The following ZNF385D variants were observed in gnomAD, a reference collection of about 807,000 sequenced individuals.
The protein encoded by ZNF385D is zinc finger protein 659.
A neutral mutation model predicts 35.8 loss-of-function variants in ZNF385D; 15 were observed. The ratio of observed to expected loss-of-function variants is 0.42; its 90% CI spans 0.28 to 0.64. The LOEUF (loss-of-function observed/expected upper bound fraction) is 0.64, where lower values mean the gene tolerates loss of function less well. ZNF385D is among the 30% of genes least tolerant of loss of function. The probability of loss-of-function intolerance (pLI) is 0.23; values close to 1 mark genes in which losing one functional copy is unlikely to be tolerated. For missense variants in ZNF385D, 474 were observed against 494.6 expected (o/e 0.96, Z 0.39); for synonymous variants, 212 against 186.8 (o/e 1.13, Z -1.10).
intron 3 of ZNF385D, among the ~76,000 whole-genome samples, chr3:21,757,352 A>G (rs2070391693): frequency 6.6e-6 from 1 of 152,088 alleles, no homozygotes; most frequent in African/African-American, 2.4e-5. Context: ...CATGTTGGCC[A>G]GGCTGGTCTT....
intron 2 of ZNF385D, among the ~76,000 whole-genome samples, chr3:21,586,885 C>T (rs986922457): frequency 2.0e-5 from 3 of 152,064 alleles, no homozygotes; most frequent in African/African-American, 7.2e-5. Flanking sequence ...AAGTTAAGTA[C>T]TTGGGAACAG....
intron 3 of ZNF385D, among the ~76,000 whole-genome samples, chr3:21,843,937 C>T (rs1695839021): frequency 1.3e-5 from 2 of 151,802 alleles, no homozygotes; most frequent in South Asian, 4.1e-4. Flanking sequence ...ATAGAATGTG[C>T]ACAAAAGGAA....
At chr3:21,898,393 A>C (rs1699242771) in intron 3 of ZNF385D, among the ~76,000 whole-genome samples, 1 of 152,118 alleles carries the variant, frequency 6.6e-6, no homozygotes, top group African/African-American at 2.4e-5. Context: ...TTTCATTTTC[A>C]TTGCTATTGG....
Position 21,715,628 on chromosome 3 carries a change from T to C in ZNF385D, c.22+35267A>G, listed in dbSNP as rs900736435. 8.5e-5 allele frequency among the ~76,000 whole-genome samples: 13 copies of C among 152,242 alleles called. No individual in the cohort carries two copies. The East Asian group carries it at 1.2e-3, about 14-fold the overall frequency. ...TTTGAGTAGACACCCAGTAGTGGGA[T>C]TGCTGGATTGAATGGTAGTTCTAGT... On this transcript the variant is annotated intron_variant, in intron 1 of 7. Transcript: ENST00000281523.
intron 3 of ZNF385D, among the ~76,000 whole-genome samples, chr3:22,049,701 T>C (rs956269972): frequency 3.3e-5 from 5 of 152,158 alleles, no homozygotes; most frequent in Admixed American, 3.3e-4. Flanking sequence ...CTATACCTTA[T>C]TTATTGAGAT....
intron 3 of ZNF385D, among the ~76,000 whole-genome samples, chr3:22,086,500 A>T (rs560446959): frequency 7.9e-5 from 12 of 152,324 alleles, no homozygotes; most frequent in Non-Finnish European, 1.3e-4. Flanking sequence ...AAGGGATGTG[A>T]AGGACCTCTT....
rs190865438 is a variant in ZNF385D, at chr3:22,096,306, C to T, written c.325+72511G>A. Among the ~76,000 whole-genome samples the T allele has an allele frequency of 1.1e-4, 16 of 150,536 alleles. No individual in the cohort carries two copies. In the East Asian group the frequency reaches 2.9e-3, roughly 28 times the overall value. On this transcript the variant is annotated intron_variant, in intron 3 of 5. Transcript: ENST00000494108. ...AGGTATCAAACCTGCACATGTAAACCCTGAATCTAAAAGTTGAAACTATTT... is the reference window on the plus strand; with the variant it reads ...AGGTATCAAACCTGCACATGTAAACTCTGAATCTAAAAGTTGAAACTATTT...
intron 2 of ZNF385D, among the ~76,000 whole-genome samples, chr3:21,610,732 G>T (rs1170666555): frequency 6.6e-6 from 1 of 151,072 alleles, no homozygotes; most frequent in Non-Finnish European, 1.5e-5. Context: ...CCGAGATCGC[G>T]CCACTGCACT....
At chr3:21,718,396 C>T (rs956048285) in intron 1 of ZNF385D, among the ~76,000 whole-genome samples, 1 of 152,184 alleles carries the variant, frequency 6.6e-6, no homozygotes, top group Non-Finnish European at 1.5e-5. Flanking sequence ...TTCTGGGAAC[C>T]ACTGGTGTCT....
At chr3:22,372,514 C>T in exon 2 of ZNF385D, 4 of 985,874 alleles carry the variant, frequency 4.1e-6, no homozygotes, top group Non-Finnish European at 4.8e-6. Flanking sequence ...CCGAGCTCTT[C>T]ATTCTCCTGC....
At position 21,843,317 on chromosome 3, in the gene ZNF385D, T is replaced by C. The variant is rs376734761; in HGVS notation, c.326-178289A>G. 7.2e-4 allele frequency among the ~76,000 whole-genome samples: 110 copies of C among 152,074 alleles called. 2 individuals carry two copies. In the South Asian group the frequency reaches 0.016, roughly 22 times the overall value. On this transcript the variant is annotated intron_variant, in intron 3 of 5. Transcript: ENST00000494108. ...ACTTTGCTCTTTGTTGGGGGACTTA[T>C]CATCGGCCTAGTCAAGAAGGTCACC... is the stretch of plus-strand genomic sequence containing the variant.
intron 2 of ZNF385D, among the ~76,000 whole-genome samples, chr3:22,245,011 G>A (rs1477049559): frequency 6.6e-6 from 1 of 151,980 alleles, no homozygotes; most frequent in Non-Finnish European, 1.5e-5. Flanking sequence ...TCTTGCATCA[G>A]AATTGCCAGA....
intron 3 of ZNF385D, among the ~76,000 whole-genome samples, chr3:21,851,790 C>G (rs576991893): frequency 4.6e-5 from 7 of 151,982 alleles, no homozygotes; most frequent in Non-Finnish European, 8.8e-5. Context: ...TGTAGTCTCT[C>G]ATTTTATCCT....
intron 3 of ZNF385D, among the ~76,000 whole-genome samples, chr3:22,081,038 C>T (rs1183079057): frequency 6.6e-6 from 1 of 152,184 alleles, no homozygotes; most frequent in African/African-American, 2.4e-5. Context: ...CACATGCACA[C>T]ACATAAATTT....
chr3:21,821,443 CATG>C (rs2125735435), intron 3 of ZNF385D, among the ~76,000 whole-genome samples: 1 of 152,220 alleles, frequency 6.6e-6, no homozygotes, highest in East Asian at 1.9e-4. Context: ...TTGACAAATA[CATG>C]ATACTTAGAA....
intron 3 of ZNF385D, among the ~76,000 whole-genome samples, chr3:21,759,892 AGAGT>A (rs1202224106): frequency 2.0e-5 from 3 of 152,172 alleles, no homozygotes; most frequent in African/African-American, 7.2e-5. Context: ...ACAACTATCT[AGAGT>A]GAGCAGAGAG....
chr3:21,569,997 T>C (rs1471572836), intron 2 of ZNF385D, among the ~76,000 whole-genome samples: 1 of 151,630 alleles, frequency 6.6e-6, no homozygotes, highest in Non-Finnish European at 1.5e-5. Context: ...GCATGGCACA[T>C]GTATACATAC....
chr3:22,127,081 G>A (rs957043998), intron 3 of ZNF385D, among the ~76,000 whole-genome samples: 2 of 151,978 alleles, frequency 1.3e-5, no homozygotes, highest in African/African-American at 4.8e-5. Flanking sequence ...CAGGTGAAAT[G>A]TGTTTCTTAT....
At chr3:22,308,475 GAGA>G (rs1303666341) in intron 2 of ZNF385D, among the ~76,000 whole-genome samples, 1 of 151,900 alleles carries the variant, frequency 6.6e-6, no homozygotes, top group Non-Finnish European at 1.5e-5. Flanking sequence ...GAAAGACAGA[GAGA>G]AGGACATTCC....
Sources: allele counts gnomAD v4.1 joint callset (sites outside exome capture counted in the v4.1 genomes callset), GRCh38; gene constraint gnomAD v4.1.1; transcripts MANE v1.5; gene names NCBI Gene and HGNC (gene_info 2026-07-23, HGNC 2026-07-21).